The following TUBB6 variants were observed in gnomAD, a reference collection of about 807,000 sequenced individuals.
TUBB6 encodes tubulin beta 6 class V.
A neutral mutation model predicts 32.3 loss-of-function variants in TUBB6; 18 were observed. The observed-to-expected ratio is 0.56, with a 90% CI of 0.39 to 0.83. The LOEUF is 0.83. Among genes scored for constraint, TUBB6 ranks in the 40% least tolerant of loss-of-function variants. The pLI is 0.00. For missense variants in TUBB6, 480 were observed against 632.0 expected (o/e 0.76, Z 2.58); for synonymous variants, 280 against 265.8 (o/e 1.05, Z -0.52).
intron 3 of TUBB6, among the ~76,000 whole-genome samples, chr18:12,317,595 T>A (rs949256702): frequency 3.5e-4 from 54 of 152,376 alleles, no homozygotes; most frequent in African/African-American, 1.1e-3. Flanking sequence ...TCCAGCCTCT[T>A]TCTGTATTTC....
At chr18:12,308,586 C>G in intron 1 of TUBB6, 101 bp from the exon 2 acceptor site, 1 of 932,584 alleles carries the variant, frequency 1.1e-6, no homozygotes, top group Non-Finnish European at 1.6e-6. Flanking sequence ...GGCTCAGGCG[C>G]GCCTGGAATT....
chr18:12,314,242 C>G (rs563514727), intron 3 of TUBB6, among the ~76,000 whole-genome samples: 25 of 152,078 alleles, frequency 1.6e-4, no homozygotes, highest in African/African-American at 6.0e-4. Context: ...AGGACCCCCC[C>G]CAAGCATCTT....
chr18:12,308,331 G>A lies in TUBB6; in HGVS notation c.39G>A (p.Gly13=). ...TGCACATCCAGGCGGGCCAGTGCGG[G>A]AACCAGATCGGCACCAAGGTGGGCC... ...EIVHIQAGQC[G]NQIGTKFWEV... is the part of the protein sequence containing the mutation. Residue 13 remains glycine, a synonymous_variant, in exon 1 of 4, where the codon GGG becomes GGA. Transcript: ENST00000317702. 8 of 1,481,964 alleles carry A rather than the reference G, an allele frequency of 5.4e-6. No homozygotes were observed. Among genetic ancestry groups the A allele is most frequent in the East Asian group, 2.9e-5 (1 of 33,952 alleles). The allele number at this position is 1,481,964 out of a possible 1,614,324, so 91.8% of individuals were successfully genotyped here. A position where few individuals can be genotyped will look rare whatever the true frequency, so the allele number is the denominator to read the frequency against.
At chr18:12,329,613 C>A (rs886053614), downstream of TUBB6, 3 of 1,614,052 alleles carry the variant, frequency 1.9e-6, no homozygotes, top group Non-Finnish European at 2.5e-6. Context: ...CCTTTTCCCG[C>A]TCCTTGTTCC....
intron 3 of TUBB6, among the ~76,000 whole-genome samples, chr18:12,322,383 C>G (rs1307368500): frequency 6.8e-6 from 1 of 147,164 alleles, no homozygotes; most frequent in African/African-American, 2.5e-5. Context: ...GAGACAGGGT[C>G]TTGCTCTGTC....
chr18:12,327,392 C>T (rs1907374177), downstream of TUBB6, among the ~76,000 whole-genome samples: 1 of 152,226 alleles, frequency 6.6e-6, no homozygotes, highest in Non-Finnish European at 1.5e-5. Context: ...ACAACCACAA[C>T]ACCACCCTTG....
rs970507302 is a variant in TUBB6 at position 12,326,301 on chromosome 18, A to G, written c.*171A>G. ...TAGTCATCTGGAACAAAGACTAAAA[A>G]CAGCAGAGAATTGCGGGTTCTACCC... On this transcript the variant is annotated 3_prime_UTR_variant, in exon 4 of 4. Transcript: ENST00000317702. 31 of 1,035,728 alleles carry G rather than the reference A, an allele frequency of 3.0e-5. No homozygotes were observed. The Middle Eastern group carries it at 9.6e-4, about 32-fold the overall frequency. 64.2% of individuals were successfully genotyped at this position (1,035,728 alleles called of 1,614,324 possible).
chr18:12,308,180 A>T (rs1404091982), upstream of TUBB6: 9 of 672,064 alleles, frequency 1.3e-5, no homozygotes, highest in Non-Finnish European at 1.7e-5. Context: ...GCCATTGGCG[A>T]GCGGCGGGGC....
chr18:12,328,097 T>C (rs542134494), downstream of TUBB6, among the ~76,000 whole-genome samples: 2 of 152,346 alleles, frequency 1.3e-5, no homozygotes, highest in Non-Finnish European at 2.9e-5. Context: ...AGGGGGCGCC[T>C]GTTCTCCTGG....
At chr18:12,308,195 G>A (rs1362388668), upstream of TUBB6, 46 of 831,668 alleles carry the variant, frequency 5.5e-5, no homozygotes, top group Non-Finnish European at 6.8e-5. Flanking sequence ...CGGGGCGGGG[G>A]CGGGGGCGCG....
At chr18:12,314,950 TTTTTAAACTTTGC>T (rs1321243928) in intron 3 of TUBB6, among the ~76,000 whole-genome samples, 2 of 84,338 alleles carry the variant, frequency 2.4e-5, no homozygotes, top group African/African-American at 1.0e-4. Flanking sequence ...TTTGCTTTGC[TTTTTAAACTTTGC>T]TTTTTTTTTT....
chr18:12,325,429 A>T lies in TUBB6; in HGVS notation c.640A>T (p.Thr214Ser), dbSNP rs1389806565. 6.2e-7 allele frequency: 1 copy of T among 1,614,092 alleles called. No homozygotes were observed. Among genetic ancestry groups the T allele is most frequent in the Admixed American group, 1.7e-5 (1 of 60,020 alleles). ...GGCGCTCTATGACATCTGCTTCCGC[A>T]CTCTGAAGCTGACAACGCCCACCTA... ...NEALYDICFR[T>S]LKLTTPTYGD... The change falls in exon 4 of 4, where the codon ACT becomes TCT. Residue 214 changes from threonine (T) to serine (S), a missense_variant. By Grantham distance (58) the Thr-to-Ser change is moderately conservative (BLOSUM62 1). Coordinates refer to ENST00000317702, the MANE Select transcript of TUBB6 (RefSeq NM_032525.3).
At chr18:12,308,414 C>G (rs1188135262) in intron 1 of TUBB6, 65 bp downstream of exon 1, 10 of 1,218,968 alleles carry the variant, frequency 8.2e-6, no homozygotes, top group Non-Finnish European at 9.3e-6. Flanking sequence ...GGTCTCCCGG[C>G]GCGACCCCCG....
At chr18:12,323,032 G>C (rs1365487822) in intron 3 of TUBB6, among the ~76,000 whole-genome samples, 1 of 152,032 alleles carries the variant, frequency 6.6e-6, no homozygotes, top group Non-Finnish European at 1.5e-5. Flanking sequence ...AAATAAATGA[G>C]AGGTATCTAG....
intron 3 of TUBB6, among the ~76,000 whole-genome samples, chr18:12,313,959 C>T (rs1906529827): frequency 6.6e-6 from 1 of 152,168 alleles, no homozygotes; most frequent in African/African-American, 2.4e-5. Flanking sequence ...AAAGACCTGA[C>T]TTGGATAACA....
At chr18:12,327,485 C>G (rs916499988), downstream of TUBB6, among the ~76,000 whole-genome samples, 1 of 152,248 alleles carries the variant, frequency 6.6e-6, no homozygotes, top group Admixed American at 6.5e-5. Flanking sequence ...AAGTTCATCA[C>G]TAAACACAGC....
chr18:12,316,118 C>T (rs1305234541), intron 3 of TUBB6, among the ~76,000 whole-genome samples: 2 of 152,248 alleles, frequency 1.3e-5, no homozygotes, highest in Non-Finnish European at 2.9e-5. Context: ...CCTCACCCAC[C>T]AGCAGTCAAC....
At chr18:12,329,590 G>C (rs752878017), downstream of TUBB6, 2 of 1,614,014 alleles carry the variant, frequency 1.2e-6, no homozygotes, top group East Asian at 4.5e-5. Context: ...CTCACCCGGG[G>C]GCTCCTCTTT....
At chr18:12,324,937 G>A (rs147539795) in intron 3 of TUBB6, 130 bp from the exon 4 acceptor site, 20 of 1,496,906 alleles carry the variant, frequency 1.3e-5, no homozygotes, top group Non-Finnish European at 1.7e-5. Flanking sequence ...GTGGGTGCCT[G>A]TTTCCCCGGC....
Sources: gnomAD v4.1 joint callset for allele counts (sites outside exome capture counted in the v4.1 genomes callset) on GRCh38, gnomAD v4.1.1 for gene constraint, MANE v1.5 for transcripts, NCBI Gene and HGNC (gene_info 2026-07-23, HGNC 2026-07-21) for gene names.